The following IPO11 variants were observed in gnomAD, a reference collection of about 807,000 sequenced individuals.
IPO11 encodes importin-11.
IPO11 carries 66 observed loss-of-function variants against 143.2 expected under a neutral mutation model. That is an observed-to-expected ratio of 0.46 (90% confidence interval 0.38 to 0.57). The LOEUF is 0.57. Among genes scored for constraint, IPO11 ranks in the 20% least tolerant of loss-of-function variants. IPO11 has a pLI of 0.00. For missense variants in IPO11, 1,026 were observed against 1,141.0 expected (o/e 0.90, Z 1.45); for synonymous variants, 385 against 377.8 (o/e 1.02, Z -0.22).
chr5:62,599,843 T>C (rs1051649080), intron 28 of IPO11, among the ~76,000 whole-genome samples: 1 of 152,250 alleles, frequency 6.6e-6, no homozygotes, highest in Non-Finnish European at 1.5e-5. Flanking sequence ...ATCTTTTATG[T>C]AAAGCGTGAT....
chr5:62,502,594 T>G (rs1741384027), intron 16 of IPO11, among the ~76,000 whole-genome samples: 1 of 152,182 alleles, frequency 6.6e-6, no homozygotes, highest in Admixed American at 6.5e-5. Context: ...CATTTCACCT[T>G]TTTCTCTGCA....
intron 26 of IPO11, among the ~76,000 whole-genome samples, chr5:62,553,343 TG>T (rs1561360400): frequency 5.6e-4 from 69 of 123,790 alleles, no homozygotes; most frequent in South Asian, 1.3e-3. Context: ...TGTGTGTGTG[TG>T]TGTGTGTGTG....
intron 3 of IPO11, among the ~76,000 whole-genome samples, chr5:62,445,897 C>A (rs1368241693): frequency 1.3e-5 from 2 of 152,178 alleles, no homozygotes; most frequent in East Asian, 3.9e-4. Context: ...TCATTGTACA[C>A]TTTTATTGTA....
At chr5:62,424,261 T>C (rs1414280491) in intron 1 of IPO11, among the ~76,000 whole-genome samples, 1 of 151,680 alleles carries the variant, frequency 6.6e-6, no homozygotes, top group Non-Finnish European at 1.5e-5. Context: ...TGCCTCAGCC[T>C]CCCGAGTAGC....
chr5:62,528,405 A>G (rs560970597), intron 21 of IPO11, among the ~76,000 whole-genome samples: 11 of 152,216 alleles, frequency 7.2e-5, no homozygotes, highest in Non-Finnish European at 1.3e-4. Flanking sequence ...CATACAGACT[A>G]TGCACACTGA....
At chr5:62,489,213 AAACT>A (rs1447261139) in intron 13 of IPO11, 85 bp from the exon 14 acceptor site, 80 of 679,138 alleles carry the variant, frequency 1.2e-4, no homozygotes, top group South Asian at 4.0e-4. Context: ...TTGAATTGGG[AAACT>A]AACAAATTGT....
chr5:62,515,349 A>G, intron 19 of IPO11, 39 bp from the exon 20 acceptor site: 1 of 1,409,860 alleles, frequency 7.1e-7, no homozygotes, highest in Non-Finnish European at 9.8e-7. Context: ...CTTCTTTACC[A>G]ATAAAATTTT....
chr5:62,447,448 C>A lies in IPO11; in HGVS notation c.240-2479C>A, dbSNP rs1045873090. 3.3e-5 allele frequency among the ~76,000 whole-genome samples: 5 copies of A among 152,190 alleles called. No homozygotes were observed. The South Asian group carries it at 6.2e-4, about 19-fold the overall frequency. On this transcript the variant is annotated intron_variant, in intron 3 of 29. Transcript: ENST00000325324. ...CTCAACCTGTGGTCATGAAAATACT[C>A]TGTTTTCTACTGAAAGCTTTGTTTT... is the stretch of plus-strand genomic sequence containing the variant.
chr5:62,470,568 A>G (rs1745728815), intron 7 of IPO11, among the ~76,000 whole-genome samples: 1 of 152,182 alleles, frequency 6.6e-6, no homozygotes, highest in Non-Finnish European at 1.5e-5. Context: ...AATTTAAATT[A>G]AAATGAACTC....
chr5:62,535,891 A>G (rs1356868907), intron 22 of IPO11, among the ~76,000 whole-genome samples: 1 of 152,200 alleles, frequency 6.6e-6, no homozygotes, highest in Non-Finnish European at 1.5e-5. Context: ...TTTTGGGGTC[A>G]TATTTTAATC....
intron 20 of IPO11, among the ~76,000 whole-genome samples, chr5:62,522,002 G>A (rs32187): frequency 0.69 from 105,227 of 151,964 alleles, 36,808 homozygotes; most frequent in African/African-American, 0.78. Context: ...GTTTCTTTTA[G>A]GGTGCTGTTT....
intron 29 of IPO11, among the ~76,000 whole-genome samples, chr5:62,602,436 A>G (rs1045967020): frequency 6.6e-6 from 1 of 152,010 alleles, no homozygotes; most frequent in Non-Finnish European, 1.5e-5. Context: ...ATAAGAAACT[A>G]TTTTTTCCCT....
chr5:62,546,537 T>C (rs1196014756), intron 24 of IPO11, among the ~76,000 whole-genome samples: 3 of 152,080 alleles, frequency 2.0e-5, no homozygotes, highest in South Asian at 4.1e-4. Context: ...ACATGGCACA[T>C]GTATACATAT....
chr5:62,565,068 C>T (rs1743888078), intron 27 of IPO11, among the ~76,000 whole-genome samples: 1 of 152,098 alleles, frequency 6.6e-6, no homozygotes, highest in Admixed American at 6.6e-5. Context: ...TATTTCATCC[C>T]CTTCTTTTTC....
intron 16 of IPO11, among the ~76,000 whole-genome samples, chr5:62,502,835 CT>C (rs1330291377): frequency 3.3e-5 from 5 of 150,346 alleles, no homozygotes; most frequent in African/African-American, 7.3e-5. Flanking sequence ...TTCCTTTTTC[CT>C]TTTTCCGAGT....
chr5:62,564,617 G>A (rs1278540047), intron 27 of IPO11, among the ~76,000 whole-genome samples: 1 of 152,002 alleles, frequency 6.6e-6, no homozygotes, highest in Non-Finnish European at 1.5e-5. Flanking sequence ...GTGCATTGTA[G>A]GATGTTTAGC....
chr5:62,458,793 AAAG>A (rs1218376268), intron 5 of IPO11, among the ~76,000 whole-genome samples: 1 of 152,186 alleles, frequency 6.6e-6, no homozygotes, highest in Non-Finnish European at 1.5e-5. Flanking sequence ...GTTCAAAAGA[AAAG>A]AGCTGTGCGC....
At position 62,437,293 on chromosome 5, in the gene IPO11, G is replaced by A; in HGVS notation, c.14G>A (p.Ser5Asn). 6.2e-7 allele frequency: 1 copy of A among 1,607,800 alleles called. No individual in the cohort carries two copies. Among genetic ancestry groups the A allele is most frequent in the East Asian group, 2.2e-5 (1 of 44,634 alleles). ...TGCCAGGTTTCCATGGATCTCAATA[G>A]TGCCAGCACTGTTGTTCTTCAGGTG... is the stretch of plus-strand genomic sequence containing the variant. The part of the protein sequence containing the change: MDLN[S>N]ASTVVLQVLT... The change falls in exon 2 of 30, where the codon AGT (serine) becomes AAT (asparagine). Residue 5 changes from serine (S) to asparagine (N), a missense_variant. Transcript: ENST00000325324.
At chr5:62,492,833 G>A (rs559994818) in intron 15 of IPO11, among the ~76,000 whole-genome samples, 3 of 152,114 alleles carry the variant, frequency 2.0e-5, no homozygotes, top group African/African-American at 4.8e-5. Context: ...CACTGCACCC[G>A]GCCCAGTTTT....
Sources: gnomAD v4.1 joint callset for allele counts (sites outside exome capture counted in the v4.1 genomes callset) on GRCh38, gnomAD v4.1.1 for gene constraint, MANE v1.5 for transcripts, NCBI Gene and HGNC (gene_info 2026-07-23, HGNC 2026-07-21) for gene names.